Variants in EYA1 observed in about 807,000 individuals in gnomAD.
EYA1 encodes EYA transcriptional coactivator and phosphatase 1, also known as protein phosphatase EYA1.
A neutral mutation model predicts 82.0 loss-of-function variants in EYA1; 16 were observed. That is an observed-to-expected ratio of 0.20 (90% CI 0.13 to 0.30). The LOEUF (loss-of-function observed/expected upper bound fraction) is 0.30. Ranked by LOEUF, EYA1 falls within the 10% of genes least tolerant of loss-of-function variation. EYA1 has a pLI of 1.00. For synonymous variants in EYA1, 261 were observed against 264.4 expected (o/e 0.99, Z 0.12); for missense variants, 633 against 730.7 (o/e 0.87, Z 1.54).
Position 71,299,731 on chromosome 8 carries a change from A to T in EYA1, c.557-11T>A, listed in dbSNP as rs201752432. On this transcript the variant is annotated splice_polypyrimidine_tract_variant and intron_variant, in intron 7 of 17. Transcript: ENST00000340726. ...TTGTAAAACTGCTACCTAAAACAAA[A>T]TGAAAAGAAATACGATTATACCAGG... is the stretch of plus-strand genomic sequence containing the variant. 142 of 1,317,424 alleles carry T rather than the reference A, an allele frequency of 1.1e-4. 1 individual carries two copies. The African/African-American group carries it at 2.0e-3, about 18-fold the overall frequency. The allele number at this position is 1,317,424 out of a possible 1,614,324, so 81.6% of individuals were successfully genotyped here.
chr8:71,314,431 T>G (rs1253962764), intron 7 of EYA1, among the ~76,000 whole-genome samples: 1 of 152,192 alleles, frequency 6.6e-6, no homozygotes, highest in Non-Finnish European at 1.5e-5. Context: ...TAATAGTATA[T>G]GATCATCTGG....
In EYA1 at chr8:71,331,336, T is replaced by G. The variant is rs1462478985; in HGVS notation, c.202+2761A>C. On this transcript the variant is annotated intron_variant, in intron 4 of 17. Transcript: ENST00000340726. ...TGTGTATTTCTTAAAAACAAAGAATTCTTTTACCACAGTACAGTTATCAAA... is the reference window on the plus strand; with the variant it reads ...TGTGTATTTCTTAAAAACAAAGAATGCTTTTACCACAGTACAGTTATCAAA... 2.0e-5 allele frequency among the ~76,000 whole-genome samples: 3 copies of G among 151,364 alleles called. 1 individual carries two copies. Among genetic ancestry groups the G allele is most frequent in the Non-Finnish European group, 4.4e-5 (3 of 67,916 alleles).
chr8:71,326,651 T>C lies in EYA1; in HGVS notation c.203-4383A>G, dbSNP rs1011325983. Among the ~76,000 whole-genome samples the C allele has an allele frequency of 1.9e-4, 29 of 152,192 alleles. 1 individual carries two copies. Among genetic ancestry groups the C allele is most frequent in the Non-Finnish European group, 4.4e-5 (3 of 68,024 alleles). On this transcript the variant is annotated intron_variant, in intron 4 of 17. Transcript: ENST00000340726. ...CCTGGGAGAGCTGGGGCTCCTCTGA[T>C]GGCCTTGCTGAAATGTCCTGAGACT...
chr8:71,468,322 A>G (rs944277754), intron 2 of EYA1, among the ~76,000 whole-genome samples: 11 of 152,094 alleles, frequency 7.2e-5, no homozygotes, highest in Admixed American at 1.3e-4. Flanking sequence ...TTTAGCTCCT[A>G]TCTTTTGACT....
intron 2 of EYA1, among the ~76,000 whole-genome samples, chr8:71,488,067 G>A (rs1186676962): frequency 6.6e-6 from 1 of 151,948 alleles, no homozygotes; most frequent in Non-Finnish European, 1.5e-5. Context: ...ATATACATCA[G>A]TAATATAAAG....
At chr8:71,400,473 G>T (rs1354191178) in intron 2 of EYA1, among the ~76,000 whole-genome samples, 1 of 152,032 alleles carries the variant, frequency 6.6e-6, no homozygotes, top group Non-Finnish European at 1.5e-5. Flanking sequence ...TAAAAAGTGG[G>T]CAAAGGACAG....
At chr8:71,485,155 T>C (rs1810466813) in intron 2 of EYA1, among the ~76,000 whole-genome samples, 1 of 152,240 alleles carries the variant, frequency 6.6e-6, no homozygotes, top group African/African-American at 2.4e-5. Flanking sequence ...TAAAAGTAGA[T>C]AGGAAAATGC....
At chr8:71,207,836 A>C (rs531324381) in intron 17 of EYA1, among the ~76,000 whole-genome samples, 1 of 113,514 alleles carries the variant, frequency 8.8e-6, no homozygotes, top group Non-Finnish European at 1.9e-5. Flanking sequence ...ATTGTAATAG[A>C]ATACTTTTGT....
At chr8:71,216,611 T>C in intron 14 of EYA1, 81 bp downstream of exon 14, 3 of 1,380,300 alleles carry the variant, frequency 2.2e-6, no homozygotes, top group Admixed American at 3.4e-5. Flanking sequence ...TTCAAAGCAG[T>C]GTGACACAAA....
chr8:71,282,228 T>G (rs1337032733), intron 9 of EYA1, among the ~76,000 whole-genome samples: 1 of 152,152 alleles, frequency 6.6e-6, no homozygotes, highest in Non-Finnish European at 1.5e-5. Flanking sequence ...CTGATTCCAG[T>G]CCACGTTCCC....
At chr8:71,285,817 G>A (rs1039166111) in intron 9 of EYA1, among the ~76,000 whole-genome samples, 1 of 152,184 alleles carries the variant, frequency 6.6e-6, no homozygotes, top group Non-Finnish European at 1.5e-5. Flanking sequence ...ATTTCTTCCT[G>A]AGCATGTCTG....
chr8:71,322,228 C>G lies in EYA1; in HGVS notation c.243G>C (p.Gln81His). Residue 81 changes from glutamine (Q) to histidine (H), a missense_variant, in exon 5 of 18, where the codon CAG becomes CAC. By Grantham distance (24) the Gln-to-His change is conservative. Transcript: ENST00000340726. ...AAGGGTAAATCTGTGGTGGAGAGAA[C>G]TGGTGAGTTGGTCGTGGGCTGAAAC... ...SSSFSPRPTH[Q>H]FSPPQIYPSN... The G allele has an allele frequency of 6.2e-7, 1 of 1,614,008 alleles. No individual in the cohort carries two copies. The highest frequency in any genetic ancestry group is 1.1e-5 in the South Asian group (1 of 91,076).
chr8:71,438,244 T>C (rs755738414), intron 2 of EYA1, among the ~76,000 whole-genome samples: 25 of 152,236 alleles, frequency 1.6e-4, no homozygotes, highest in Middle Eastern at 3.4e-3. Flanking sequence ...GCAATTACTC[T>C]GGTGTGCTAA....
intron 7 of EYA1, among the ~76,000 whole-genome samples, chr8:71,306,353 G>A (rs1464188119): frequency 6.6e-6 from 1 of 152,066 alleles, no homozygotes; most frequent in Non-Finnish European, 1.5e-5. Flanking sequence ...AAAAGAAATG[G>A]CATCCTTTAA....
intron 17 of EYA1, among the ~76,000 whole-genome samples, chr8:71,202,036 T>C (rs1328589398): frequency 2.0e-5 from 3 of 152,168 alleles, no homozygotes; most frequent in Non-Finnish European, 4.4e-5. Flanking sequence ...ACAACCATCT[T>C]CATAAAAACA....
At chr8:71,206,651 A>T (rs2128819907) in intron 17 of EYA1, among the ~76,000 whole-genome samples, 1 of 152,268 alleles carries the variant, frequency 6.6e-6, no homozygotes, top group East Asian at 1.9e-4. Flanking sequence ...TCTCAAGTGT[A>T]AAATAGGTCT....
chr8:71,460,120 C>G (rs749818412), intron 2 of EYA1, among the ~76,000 whole-genome samples: 1 of 152,190 alleles, frequency 6.6e-6, no homozygotes, highest in Non-Finnish European at 1.5e-5. Flanking sequence ...AGACATTGTT[C>G]ACATTCTCCA....
rs58345968 is a variant in EYA1 at position 71,303,315 on chromosome 8, TACAC to T, written c.557-3599_557-3596del. Among the ~76,000 whole-genome samples the T allele has an allele frequency of 4.3e-4, 57 of 131,964 alleles. 4 individuals are homozygous for T. Among genetic ancestry groups the T allele is most frequent in the Middle Eastern group, 3.6e-3 (1 of 280 alleles). 86.6% of individuals were successfully genotyped at this position (131,964 alleles called of 152,430 possible). ...CTCTGTGATGTACGTACATTTGATATACACACACACACACACACACACATCCATG... is the reference window on the plus strand; with the variant it reads ...CTCTGTGATGTACGTACATTTGATATACACACACACACACACACATCCATG... On this transcript the variant is annotated intron_variant, in intron 7 of 17. Transcript: ENST00000340726.
intron 3 of EYA1, among the ~76,000 whole-genome samples, chr8:71,339,822 A>G (rs751743974): frequency 9.9e-5 from 15 of 152,174 alleles, no homozygotes; most frequent in Non-Finnish European, 1.6e-4. Context: ...TCATTGTTCA[A>G]TATAACATAG....
Sources: gnomAD v4.1 joint callset for allele counts (sites outside exome capture counted in the v4.1 genomes callset) on GRCh38, gnomAD v4.1.1 for gene constraint, MANE v1.5 for transcripts, NCBI Gene and HGNC (gene_info 2026-07-23, HGNC 2026-07-21) for gene names.